The following CACNA1E variants were observed in gnomAD, a reference collection of about 807,000 sequenced individuals.
CACNA1E encodes calcium voltage-gated channel subunit alpha1 E.
A neutral mutation model predicts 259.2 loss-of-function variants in CACNA1E; 40 were observed. That is an observed-to-expected ratio of 0.15 (90% confidence interval 0.12 to 0.20). The LOEUF (loss-of-function observed/expected upper bound fraction) is 0.20, where lower values mean the gene tolerates loss of function less well. Ranked by LOEUF, CACNA1E falls within the 10% of genes least tolerant of loss-of-function variation. The probability of loss-of-function intolerance (pLI) is 1.00; values close to 1 mark genes in which losing one functional copy is unlikely to be tolerated. For missense variants in CACNA1E, 1,874 were observed against 3,040.1 expected (o/e 0.62, Z 9.02); for synonymous variants, 1,104 against 1,138.5 (o/e 0.97, Z 0.61).
chr1:181,601,654 G>A (rs564568846), intron 6 of CACNA1E, among the ~76,000 whole-genome samples: 13 of 152,196 alleles, frequency 8.5e-5, no homozygotes, highest in East Asian at 1.9e-4. Context: ...GACCTCCAGC[G>A]CTGCACCCTG....
At chr1:181,547,624 C>T (rs549673067) in intron 3 of CACNA1E, among the ~76,000 whole-genome samples, 1 of 152,340 alleles carries the variant, frequency 6.6e-6, no homozygotes, top group South Asian at 2.1e-4. Context: ...CCATGCTGCC[C>T]AAAGATGTAG....
intron 1 of CACNA1E, among the ~76,000 whole-genome samples, chr1:181,489,446 T>A (rs1664128020): frequency 6.6e-6 from 1 of 152,202 alleles, no homozygotes; most frequent in Admixed American, 6.5e-5. Context: ...ACTTCAGGAA[T>A]CTACTTTTTC....
At chr1:181,499,303 G>C (rs987371431) in intron 1 of CACNA1E, among the ~76,000 whole-genome samples, 3 of 152,204 alleles carry the variant, frequency 2.0e-5, no homozygotes, top group Admixed American at 2.0e-4. Context: ...CTGGGAAGGA[G>C]GAAGCAGCTC....
At chr1:181,324,238 A>C (rs543059052) in intron 1 of CACNA1E, among the ~76,000 whole-genome samples, 1 of 152,302 alleles carries the variant, frequency 6.6e-6, no homozygotes, top group South Asian at 2.1e-4. Context: ...GAAACCATAC[A>C]TAGATAAGTA....
At chr1:181,405,485 T>A (rs1167179183) in intron 1 of CACNA1E, among the ~76,000 whole-genome samples, 1 of 152,236 alleles carries the variant, frequency 6.6e-6, no homozygotes, top group Non-Finnish European at 1.5e-5. Context: ...TAGCATTTTG[T>A]TTTCTTTCCA....
At chr1:181,416,101 G>A (rs1029894161) in intron 2 of CACNA1E, among the ~76,000 whole-genome samples, 1 of 152,066 alleles carries the variant, frequency 6.6e-6, no homozygotes, top group African/African-American at 2.4e-5. Flanking sequence ...GGAAAGGGGA[G>A]GTCTGGAAAG....
chr1:181,406,556 C>T (rs185256319), intron 1 of CACNA1E, among the ~76,000 whole-genome samples: 144 of 152,114 alleles, frequency 9.5e-4, no homozygotes, highest in Admixed American at 2.0e-3. Flanking sequence ...CCAGCATGCC[C>T]GGTTAATTTT....
At chr1:181,475,374 G>A (rs139152116) in intron 2 of CACNA1E, among the ~76,000 whole-genome samples, 183 of 152,304 alleles carry the variant, frequency 1.2e-3, no homozygotes, top group Admixed American at 2.0e-3. Context: ...TACTATGAAC[G>A]ATACAGAAAT....
chr1:181,663,399 C>A (rs962759355), intron 7 of CACNA1E, among the ~76,000 whole-genome samples: 4 of 152,346 alleles, frequency 2.6e-5, no homozygotes, highest in Admixed American at 6.5e-5. Context: ...GATGCACTAT[C>A]TTCCTGTGCT....
At chr1:181,681,710 GA>G (rs1463785470) in intron 7 of CACNA1E, among the ~76,000 whole-genome samples, 1 of 152,208 alleles carries the variant, frequency 6.6e-6, no homozygotes, top group Non-Finnish European at 1.5e-5. Context: ...ACAAGGATCT[GA>G]ATGCTGGTCT....
At chr1:181,580,574 A>T in intron 5 of CACNA1E, 21 bp from the exon 6 acceptor site, 1 of 1,611,388 alleles carries the variant, frequency 6.2e-7, no homozygotes, top group Non-Finnish European at 8.5e-7. Flanking sequence ...TTTATCTCCT[A>T]CCCTCCAAAT....
intron 2 of CACNA1E, among the ~76,000 whole-genome samples, chr1:181,446,026 C>CTT (rs1370931536): frequency 6.6e-6 from 1 of 152,200 alleles, no homozygotes; most frequent in Non-Finnish European, 1.5e-5. Flanking sequence ...ACTCATTCAT[C>CTT]TTGGAGCCCA....
rs2102903526 is a variant in CACNA1E, at chr1:181,796,868, G to C, written c.6399+10G>C. The C allele has an allele frequency of 6.3e-7, 1 of 1,575,304 alleles. No homozygotes were observed. Among genetic ancestry groups the C allele is most frequent in the Non-Finnish European group, 8.6e-7 (1 of 1,157,698 alleles). On this transcript the variant is annotated intron_variant, in intron 47 of 47. Coordinates refer to ENST00000367573, the MANE Select transcript of CACNA1E (RefSeq NM_001205293.3). ...GACGCCCAACAGACAGGTGAGCGCA[G>C]AGAGGAAGCCAGTCTACAGCAGAAG... is the stretch of plus-strand genomic sequence containing the variant.
chr1:181,782,051 ACATAGGAAGAATGG>A (rs1385027396), intron 39 of CACNA1E, among the ~76,000 whole-genome samples: 1 of 152,240 alleles, frequency 6.6e-6, no homozygotes, highest in Non-Finnish European at 1.5e-5. Flanking sequence ...TTCACCCATG[ACATAGGAAGAATGG>A]CATAGGTTCC....
chr1:181,458,157 C>T (rs540585061), intron 2 of CACNA1E, among the ~76,000 whole-genome samples: 43 of 152,168 alleles, frequency 2.8e-4, no homozygotes, highest in Non-Finnish European at 5.1e-4. Context: ...TCTCATGCCC[C>T]AGTTTGTCCT....
chr1:181,505,403 G>T (rs1280752272), intron 1 of CACNA1E, among the ~76,000 whole-genome samples: 2 of 151,566 alleles, frequency 1.3e-5, no homozygotes, highest in Non-Finnish European at 1.5e-5. Flanking sequence ...ACGGAGTCTT[G>T]CTGTGTTGCC....
At chr1:181,488,802 C>T (rs1300935000) in intron 1 of CACNA1E, among the ~76,000 whole-genome samples, 2 of 151,410 alleles carry the variant, frequency 1.3e-5, no homozygotes, top group East Asian at 3.9e-4. Flanking sequence ...AACAGGCCTG[C>T]TTTTTTTTTC....
chr1:181,777,174 T>G (rs1215784065), intron 38 of CACNA1E, among the ~76,000 whole-genome samples: 1 of 152,250 alleles, frequency 6.6e-6, no homozygotes, highest in African/African-American at 2.4e-5. Flanking sequence ...TTGGCCCTCA[T>G]GGCTGAGGAC....
intron 1 of CACNA1E, among the ~76,000 whole-genome samples, chr1:181,353,756 G>C (rs763028220): frequency 7.2e-5 from 11 of 152,172 alleles, no homozygotes; most frequent in East Asian, 1.9e-4. Flanking sequence ...AGATTCAAGG[G>C]ATGAGTGGGA....
Sources: gnomAD v4.1 joint callset for allele counts (sites outside exome capture counted in the v4.1 genomes callset) on GRCh38, gnomAD v4.1.1 for gene constraint, MANE v1.5 for transcripts, NCBI Gene and HGNC (gene_info 2026-07-23, HGNC 2026-07-21) for gene names.